COL27A1: variants seen among roughly 807,000 people sequenced by gnomAD.
COL27A1 encodes the protein collagen type XXVII alpha 1 chain.
Under a neutral mutation model 251.3 loss-of-function variants are expected in COL27A1, and 106 were observed. The observed-to-expected ratio is 0.42, with a 90% CI of 0.36 to 0.50. The LOEUF (loss-of-function observed/expected upper bound fraction) is 0.50, where lower values mean the gene tolerates loss of function less well. Ranked by LOEUF, COL27A1 falls within the 20% of genes least tolerant of loss-of-function variation. The pLI, the probability that COL27A1 is intolerant of heterozygous loss-of-function variation, is 0.00. For synonymous variants in COL27A1, 1,000 were observed against 986.3 expected (o/e 1.01, Z -0.26); for missense variants, 2,325 against 2,522.8 (o/e 0.92, Z 1.68).
At chr9:114,289,373 AAAC>A in intron 45 of COL27A1, 78 bp downstream of exon 45, 1 of 1,395,874 alleles carries the variant, frequency 7.2e-7, no homozygotes, top group South Asian at 1.4e-5. Context: ...ACAGCAAACC[AAAC>A]GCAGGCTGCA....
At chr9:114,298,908 A>G (rs1313658766) in intron 49 of COL27A1, among the ~76,000 whole-genome samples, 1 of 152,210 alleles carries the variant, frequency 6.6e-6, no homozygotes, top group African/African-American at 2.4e-5. Flanking sequence ...TCTCTAATAT[A>G]TAAAGAACCC....
At chr9:114,193,497 A>G (rs922496669) in intron 5 of COL27A1, among the ~76,000 whole-genome samples, 3 of 152,128 alleles carry the variant, frequency 2.0e-5, no homozygotes, top group African/African-American at 7.2e-5. Context: ...GAGCCAGGGC[A>G]TCCTGGAACG....
Position 114,297,882 on chromosome 9 carries a change from A to G in COL27A1, c.4585-2188A>G, listed in dbSNP as rs1828362571. ...AATATACAAAAAATGTCATTTCTAT[A>G]TATAACATACAAACATCAATTATAT... On this transcript the variant is annotated intron_variant, in intron 49 of 60. Transcript: ENST00000356083. Among the ~76,000 whole-genome samples, 3 of 152,376 alleles carry G rather than the reference A, an allele frequency of 2.0e-5. No individual in the cohort carries two copies. The South Asian group carries it at 6.2e-4, about 32-fold the overall frequency.
At chr9:114,198,670 A>T (rs1332183160) in intron 7 of COL27A1, among the ~76,000 whole-genome samples, 2 of 152,086 alleles carry the variant, frequency 1.3e-5, no homozygotes, top group East Asian at 1.9e-4. Context: ...CTCAAACAAG[A>T]CAGTGTCCAT....
chr9:114,252,375 A>G (rs911991649), intron 25 of COL27A1, among the ~76,000 whole-genome samples: 2 of 152,190 alleles, frequency 1.3e-5, no homozygotes, highest in Non-Finnish European at 2.9e-5. Context: ...GGGGATGCTG[A>G]GGCCTTCCAG....
intron 55 of COL27A1, 131 bp downstream of exon 55, chr9:114,301,848 G>C: frequency 2.1e-6 from 2 of 962,388 alleles, no homozygotes; most frequent in Non-Finnish European, 3.2e-6. Flanking sequence ...AGACTCCTAG[G>C]AGAGTATAGG....
intron 14 of COL27A1, among the ~76,000 whole-genome samples, chr9:114,226,789 C>G (rs1300923639): frequency 2.1e-4 from 32 of 152,372 alleles, no homozygotes; most frequent in Non-Finnish European, 4.4e-5. Flanking sequence ...GAGCTGTGCC[C>G]TGTGCTAGGC....
At chr9:114,275,258 T>A (rs1005701173) in intron 36 of COL27A1, among the ~76,000 whole-genome samples, 11 of 151,566 alleles carry the variant, frequency 7.3e-5, no homozygotes, top group African/African-American at 2.7e-4. Flanking sequence ...TGAGACTCTG[T>A]CTAAAAAATA....
At chr9:114,278,733 C>T (rs147663764) in intron 37 of COL27A1, among the ~76,000 whole-genome samples, 17 of 151,794 alleles carry the variant, frequency 1.1e-4, no homozygotes, top group Non-Finnish European at 2.2e-4. Context: ...TCTCATATGC[C>T]GGGATTGGAA....
Position 114,168,631 on chromosome 9 carries a change from T to A in COL27A1, c.1076T>A (p.Ile359Asn). ...RPAAAQPSQK[I>N]TATKIPKSLP... is the part of the protein sequence containing the mutation. ...GCGGCCGCTCAACCATCACAGAAGATCACAGCCACCAAAATCCCCAAAAGC... is the reference window on the plus strand; with the variant it reads ...GCGGCCGCTCAACCATCACAGAAGAACACAGCCACCAAAATCCCCAAAAGC... Residue 359 changes from isoleucine (I) to asparagine (N), a missense_variant, in exon 3 of 61, where the codon ATC becomes AAC. Around this residue, in one of 4 missense-constraint regions of COL27A1, gnomAD observed 1,183 missense variants for 1,144.1 expected, o/e 1.03. Transcript: ENST00000356083. The A allele has an allele frequency of 6.2e-7, 1 of 1,614,104 alleles. No homozygotes were observed. The highest frequency in any genetic ancestry group is 8.5e-7 in the Non-Finnish European group (1 of 1,179,996).
At chr9:114,154,512 G>A (rs1848018002), upstream of COL27A1, among the ~76,000 whole-genome samples, 2 of 152,174 alleles carry the variant, frequency 1.3e-5, no homozygotes, top group South Asian at 2.1e-4. This position sits in a 1 kb window ranked among gnomAD's most constrained non-coding sequence, Gnocchi z 5.8. Context: ...GGCACTCTCG[G>A]AGAACTGTGT....
intron 40 of COL27A1, among the ~76,000 whole-genome samples, chr9:114,283,994 CAA>C: frequency 6.6e-6 from 1 of 152,346 alleles, no homozygotes; most frequent in Middle Eastern, 3.4e-3. Flanking sequence ...TGTGCCACCC[CAA>C]GCCTTCTTGG....
intron 14 of COL27A1, among the ~76,000 whole-genome samples, chr9:114,225,126 T>G (rs1307329748): frequency 6.6e-6 from 1 of 152,176 alleles, no homozygotes; most frequent in African/African-American, 2.4e-5. Flanking sequence ...AATTGTCCAG[T>G]CTGGCAACGC....
At chr9:114,199,630 C>T (rs1588642555) in intron 7 of COL27A1, among the ~76,000 whole-genome samples, 1 of 152,194 alleles carries the variant, frequency 6.6e-6, no homozygotes, top group East Asian at 1.9e-4. Context: ...AAGAACGCTC[C>T]CCAGCACCTC....
At chr9:114,252,745 G>C in intron 26 of COL27A1, 99 bp downstream of exon 26, 1 of 1,419,490 alleles carries the variant, frequency 7.0e-7, no homozygotes, top group Non-Finnish European at 1.0e-6. Context: ...CGTTCAGAAT[G>C]ACCAGCTCCC....
At chr9:114,178,160 AG>A in intron 3 of COL27A1, 130 bp from the exon 4 acceptor site, 1 of 720,852 alleles carries the variant, frequency 1.4e-6, no homozygotes. Context: ...CAGGGACCTC[AG>A]GGGACTCCTC....
Position 114,282,317 on chromosome 9 carries a change from G to T in COL27A1, c.3758G>T (p.Arg1253Leu), listed in dbSNP as rs200928771. The T allele has an allele frequency of 6.5e-5, 105 of 1,614,006 alleles. No homozygotes were observed. The African/African-American group carries it at 7.5e-4, about 11-fold the overall frequency. ...GKSGKQGEKG[R>L]TGAKGAKGYQ... is the part of the protein sequence containing the mutation. ...TCAGGGAAGCAAGGCGAGAAGGGCCGCACTGGAGCCAAGGTAGGTGTCCCC... is the reference window on the plus strand; with the variant it reads ...TCAGGGAAGCAAGGCGAGAAGGGCCTCACTGGAGCCAAGGTAGGTGTCCCC... Residue 1253 changes from arginine (R) to leucine (L), a missense_variant, in exon 38 of 61, where the codon CGC becomes CTC. Arg to Leu is a moderately radical substitution (Grantham distance 102). Transcript: ENST00000356083.
intron 16 of COL27A1, among the ~76,000 whole-genome samples, chr9:114,232,288 T>G (rs1444543157): frequency 6.6e-6 from 1 of 152,100 alleles, no homozygotes; most frequent in Non-Finnish European, 1.5e-5. Flanking sequence ...CGACTGGAAA[T>G]GCGACTCTGA....
intron 59 of COL27A1, among the ~76,000 whole-genome samples, chr9:114,308,418 A>G (rs1829211809): frequency 6.6e-6 from 1 of 152,208 alleles, no homozygotes; most frequent in Non-Finnish European, 1.5e-5. Context: ...CACATCCCCT[A>G]GGAGATGCCT....
Sources: allele counts gnomAD v4.1 joint callset (sites outside exome capture counted in the v4.1 genomes callset), GRCh38; gene constraint gnomAD v4.1.1; regional missense constraint gnomAD v4.1.1; non-coding constraint Gnocchi (gnomAD v3.1); transcripts MANE v1.5; gene names NCBI Gene and HGNC (gene_info 2026-07-23, HGNC 2026-07-21).